Variants in MTUS2 observed in about 807,000 individuals in gnomAD.
MTUS2 encodes microtubule associated scaffold protein 2, also known as microtubule-associated tumor suppressor candidate 2.
Under a neutral mutation model 114.1 loss-of-function variants are expected in MTUS2, and 40 were observed. The ratio of observed to expected loss-of-function variants is 0.35; its 90% confidence interval spans 0.27 to 0.46. MTUS2 has a LOEUF of 0.46. Ranked by LOEUF, MTUS2 falls within the 20% of genes least tolerant of loss-of-function variation. The pLI, the probability that MTUS2 is intolerant of heterozygous loss-of-function variation, is 1.00. For synonymous variants in MTUS2, 688 were observed against 672.0 expected (o/e 1.02, Z -0.37); for missense variants, 1,679 against 1,705.4 (o/e 0.98, Z 0.27).
At chr13:29,172,306 A>G (rs572535748) in intron 5 of MTUS2, among the ~76,000 whole-genome samples, 2 of 152,314 alleles carry the variant, frequency 1.3e-5, no homozygotes, top group South Asian at 2.1e-4. Context: ...GCTGGCTTCT[A>G]TTCTCCTGAA....
chr13:28,965,089 C>T (rs1883517566), intron 2 of MTUS2, among the ~76,000 whole-genome samples: 1 of 152,088 alleles, frequency 6.6e-6, no homozygotes, highest in African/African-American at 2.4e-5. Flanking sequence ...TTGTTTTAAC[C>T]CGTGTTGTCA....
At chr13:29,103,311 C>G (rs1233369824) in intron 5 of MTUS2, among the ~76,000 whole-genome samples, 1 of 152,142 alleles carries the variant, frequency 6.6e-6, no homozygotes, top group East Asian at 1.9e-4. Flanking sequence ...ATGACATAGC[C>G]TACTACACAC....
chr13:29,393,739 T>C (rs1004761023), intron 8 of MTUS2, among the ~76,000 whole-genome samples: 1 of 152,138 alleles, frequency 6.6e-6, no homozygotes, highest in African/African-American at 2.4e-5. Flanking sequence ...GTGCCCAAGA[T>C]AGTCCAAGAA....
chr13:29,105,669 G>C (rs1890634154), intron 5 of MTUS2, among the ~76,000 whole-genome samples: 1 of 145,096 alleles, frequency 6.9e-6, no homozygotes, highest in Non-Finnish European at 1.5e-5. Flanking sequence ...TTTTTTCCTG[G>C]TGCACAGAAG....
At position 29,277,666 on chromosome 13, in the gene MTUS2, A is replaced by G. The variant is rs1898115054; in HGVS notation, c.2645-4038A>G. ...CTCCCTTTTCCCCTGGACATAAACT[A>G]AAGTACATTTCCCAGCCTCCCTTGA... On this transcript the variant is annotated intron_variant, in intron 5 of 15. Coordinates refer to ENST00000612955, the MANE Select transcript of MTUS2 (RefSeq NM_001033602.4). Among the ~76,000 whole-genome samples, 4 of 152,222 alleles carry G rather than the reference A, an allele frequency of 2.6e-5. No individual in the cohort carries two copies. The South Asian group carries it at 8.3e-4, about 31-fold the overall frequency.
At chr13:29,012,558 A>G (rs1383897500) in intron 2 of MTUS2, among the ~76,000 whole-genome samples, 1 of 152,192 alleles carries the variant, frequency 6.6e-6, no homozygotes. Flanking sequence ...ATAGGTGACT[A>G]CTTAGAAAGA....
chr13:29,496,848 G>A lies in MTUS2; in HGVS notation c.3580-390G>A, dbSNP rs1052601622. Among the ~76,000 whole-genome samples the A allele has an allele frequency of 4.6e-5, 7 of 152,268 alleles. No individual in the cohort carries two copies. The highest frequency in any genetic ancestry group is 3.9e-4 in the Admixed American group (6 of 15,304). ...GGGATCTGAATTGAGCTTCCTAAAT[G>A]AGAATACATCTTTGAAATACATTCA... is the stretch of plus-strand genomic sequence containing the variant. On this transcript the variant is annotated intron_variant, in intron 12 of 15. Transcript: ENST00000612955. This position sits in a 1 kb window ranked among gnomAD's most constrained non-coding sequence, Gnocchi z 4.3.
intron 8 of MTUS2, chr13:29,428,695 A>C: frequency 2.3e-6 from 3 of 1,282,404 alleles, no homozygotes; most frequent in Non-Finnish European, 3.0e-6. Context: ...CCTGAAGTTT[A>C]GGAGAAATAA....
At chr13:28,901,382 A>G (rs1403373999) in intron 2 of MTUS2, among the ~76,000 whole-genome samples, 2 of 152,148 alleles carry the variant, frequency 1.3e-5, no homozygotes, top group East Asian at 3.9e-4. Flanking sequence ...GTGCAATTTA[A>G]TGTTTTCTTG....
intron 2 of MTUS2, among the ~76,000 whole-genome samples, chr13:28,989,860 T>TG (rs1337355089): frequency 2.7e-4 from 41 of 150,988 alleles, no homozygotes; most frequent in East Asian, 1.2e-3. Flanking sequence ...TTGTTTTTTT[T>TG]TTTTTTTGCA....
At chr13:28,939,627 A>T (rs957108035) in intron 2 of MTUS2, among the ~76,000 whole-genome samples, 1 of 152,142 alleles carries the variant, frequency 6.6e-6, no homozygotes, top group Non-Finnish European at 1.5e-5. Flanking sequence ...ATTTTTTGCT[A>T]TTGCAATTTT....
rs937308849 is a variant in MTUS2 at position 29,168,187 on chromosome 13, G to A, written c.2644+67217G>A. Among the ~76,000 whole-genome samples the A allele has an allele frequency of 1.7e-4, 26 of 152,152 alleles. 1 individual carries two copies. The highest frequency in any genetic ancestry group is 3.4e-3 in the Middle Eastern group (1 of 294). On this transcript the variant is annotated intron_variant, in intron 5 of 15. Coordinates refer to ENST00000612955, the MANE Select transcript of MTUS2 (RefSeq NM_001033602.4). ...CTATGTTACTCAGATGCCTTCCCTCGACGTTAGGTTATTAAACAAGAAACT... is the reference window on the plus strand; with the variant it reads ...CTATGTTACTCAGATGCCTTCCCTCAACGTTAGGTTATTAAACAAGAAACT...
At chr13:29,044,459 AT>A (rs1887519653) in intron 4 of MTUS2, among the ~76,000 whole-genome samples, 2 of 151,286 alleles carry the variant, frequency 1.3e-5, no homozygotes, top group Admixed American at 1.3e-4. Flanking sequence ...AGATTTTTGG[AT>A]CTGTTTTATA....
intron 5 of MTUS2, among the ~76,000 whole-genome samples, chr13:29,183,564 G>A (rs1404240696): frequency 6.6e-6 from 1 of 152,066 alleles, no homozygotes; most frequent in African/African-American, 2.4e-5. Flanking sequence ...CCATAAGACT[G>A]GAAAGATCAC....
intron 5 of MTUS2, among the ~76,000 whole-genome samples, chr13:29,256,137 A>G (rs1897277198): frequency 6.6e-6 from 1 of 152,238 alleles, no homozygotes; most frequent in African/African-American, 2.4e-5. Context: ...GAGTATTAGC[A>G]TAATACCGAC....
intron 2 of MTUS2, among the ~76,000 whole-genome samples, chr13:28,981,571 A>G (rs1395179748): frequency 6.6e-6 from 1 of 152,238 alleles, no homozygotes; most frequent in East Asian, 1.9e-4. Flanking sequence ...GCTTAATAAA[A>G]GAGAAATGAA....
At chr13:29,453,941 A>G (rs1234662580) in intron 9 of MTUS2, among the ~76,000 whole-genome samples, 1 of 152,210 alleles carries the variant, frequency 6.6e-6, no homozygotes, top group Non-Finnish European at 1.5e-5. Context: ...TCAAAGAACC[A>G]CTGATACCAC....
rs1459095973 is a variant in MTUS2 at position 29,317,502 on chromosome 13, A to G, written c.2807-7111A>G. Among the ~76,000 whole-genome samples, 29 of 11,506 alleles carry G rather than the reference A, an allele frequency of 2.5e-3. 8 individuals are homozygous for G. The highest frequency in any genetic ancestry group is 0.018 in the Admixed American group (11 of 622). 7.5% of individuals were successfully genotyped at this position (11,506 alleles called of 152,430 possible). A position where few individuals can be genotyped will look rare whatever the true frequency, so the allele number is the denominator to read the frequency against. The stretch of plus-strand genomic sequence containing the variant: ...GCCGGACTGCGGACTGCAGTGGCGC[A>G]ATCTCGGCTCACTGCAAGCTCCGCT... On this transcript the variant is annotated intron_variant, in intron 6 of 15. Coordinates refer to ENST00000612955, the MANE Select transcript of MTUS2 (RefSeq NM_001033602.4).
chr13:28,978,045 G>T (rs79789927), intron 2 of MTUS2, among the ~76,000 whole-genome samples: 1,666 of 152,266 alleles, frequency 0.011, 31 homozygotes, highest in African/African-American at 0.038. Context: ...CAAAGTACAT[G>T]ACATTGCTCT....
Sources: allele counts gnomAD v4.1 joint callset (sites outside exome capture counted in the v4.1 genomes callset), GRCh38; gene constraint gnomAD v4.1.1; non-coding constraint Gnocchi (gnomAD v3.1); transcripts MANE v1.5; gene names NCBI Gene and HGNC (gene_info 2026-07-23, HGNC 2026-07-21).